The following CIB4 variants were observed in gnomAD, a reference collection of about 807,000 sequenced individuals.
CIB4 encodes calcium and integrin-binding family member 4.
In CIB4, 25 loss-of-function variants were observed where a neutral mutation model predicts 25.8. That is an observed-to-expected ratio of 0.97 (90% CI 0.71 to 1.35). CIB4 has a LOEUF of 1.35. CIB4 is among the 40% of genes most tolerant of loss of function. The probability of loss-of-function intolerance (pLI) is 0.00; values close to 1 mark genes in which losing one functional copy is unlikely to be tolerated. For synonymous variants in CIB4, 75 were observed against 81.4 expected (o/e 0.92, Z 0.42); for missense variants, 235 against 228.2 (o/e 1.03, Z -0.19).
chr2:26,601,102 T>A (rs2148202217), intron 3 of CIB4, among the ~76,000 whole-genome samples: 2 of 151,692 alleles, frequency 1.3e-5, no homozygotes, highest in African/African-American at 4.8e-5. Flanking sequence ...ACGCCTGTAG[T>A]TCCAGGTACT....
rs377531777 is a variant in CIB4 at position 26,591,274 on chromosome 2, C to T, written c.328+3902G>A. On this transcript the variant is annotated intron_variant, in intron 4 of 6. Transcript: ENST00000288861. ...ATCCCAGGGGAAGCTAGATCACTGG[C>T]TGGGTGAGAAAACAGAAGGGAGAAA... 8.5e-5 allele frequency among the ~76,000 whole-genome samples: 13 copies of T among 152,296 alleles called. No individual in the cohort carries two copies. In the South Asian group the frequency reaches 2.7e-3, roughly 32 times the overall value.
Position 26,627,935 on chromosome 2 carries a change from C to T in CIB4, c.186+1475G>A, listed in dbSNP as rs1473850104. ...ACATGTCTGTGCCCCCTCCATGTCC[C>T]TTCCTCAGGAGCCAGCCTCCTCCTC... On this transcript the variant is annotated intron_variant, in intron 3 of 6. Transcript: ENST00000288861. The surrounding 1 kb of genome is among the most constrained non-coding windows in gnomAD (Gnocchi z 4.0). Among the ~76,000 whole-genome samples, 1 of 152,208 alleles carries T rather than the reference C, an allele frequency of 6.6e-6. No homozygotes were observed. Among genetic ancestry groups the T allele is most frequent in the African/African-American group, 2.4e-5 (1 of 41,446 alleles).
chr2:26,623,184 AACAC>A (rs1669237819), intron 3 of CIB4, among the ~76,000 whole-genome samples: 1 of 151,672 alleles, frequency 6.6e-6, no homozygotes. Flanking sequence ...CTCTATGAAA[AACAC>A]AAAAATTAGC....
intron 4 of CIB4, among the ~76,000 whole-genome samples, chr2:26,589,275 CCTT>C (rs1007172281): frequency 2.0e-5 from 3 of 149,520 alleles, no homozygotes; most frequent in Admixed American, 6.7e-5. Context: ...TCCTCCTCCT[CCTT>C]CTTTCCTCCT....
chr2:26,602,394 G>T (rs1345468807), intron 3 of CIB4, among the ~76,000 whole-genome samples: 1 of 152,034 alleles, frequency 6.6e-6, no homozygotes, highest in East Asian at 1.9e-4. Context: ...ATTCTCACAG[G>T]GTTATGGATT....
At position 26,581,234 on chromosome 2, in the gene CIB4, A is replaced by G. The variant is rs1668329694; in HGVS notation, c.*129T>C. 1.8e-5 allele frequency: 13 copies of G among 727,596 alleles called. No homozygotes were observed. In the South Asian group the frequency reaches 2.0e-4, roughly 11 times the overall value. The allele number at this position is 727,596 out of a possible 1,614,324, so 45.1% of individuals were successfully genotyped here. ...GAAAAGCTTTTTCTTTTATCTAATA[A>G]ACAATATTCTAGAGGTGAGTGTGGG... On this transcript the variant is annotated 3_prime_UTR_variant, in exon 7 of 7. Coordinates refer to ENST00000288861, the MANE Select transcript of CIB4 (RefSeq NM_001029881.3).
intron 2 of CIB4, among the ~76,000 whole-genome samples, 178 bp downstream of exon 2, chr2:26,640,355 C>T (rs888546292): frequency 2.6e-5 from 4 of 152,260 alleles, no homozygotes; most frequent in African/African-American, 7.2e-5. Context: ...TGGGGCTCTG[C>T]GGATCGTGGC....
At chr2:26,595,601 G>T (rs376298647) in intron 3 of CIB4, among the ~76,000 whole-genome samples, 1 of 152,234 alleles carries the variant, frequency 6.6e-6, no homozygotes, top group East Asian at 1.9e-4. Flanking sequence ...ACAAGAGATT[G>T]TCAGAGCTGA....
In CIB4 at chr2:26,627,871, C is replaced by G. The variant is rs1457205074; in HGVS notation, c.186+1539G>C. Among the ~76,000 whole-genome samples the G allele has an allele frequency of 6.6e-6, 1 of 152,096 alleles. No homozygotes were observed. Among genetic ancestry groups the G allele is most frequent in the African/African-American group, 2.4e-5 (1 of 41,398 alleles). ...GTCTCTGTCTGCCCTACAGATAGGC[C>G]TGTCACTTAGGAGGGGCCGTGCAGC... is the stretch of plus-strand genomic sequence containing the variant. On this transcript the variant is annotated intron_variant, in intron 3 of 6. Coordinates refer to ENST00000288861, the MANE Select transcript of CIB4 (RefSeq NM_001029881.3). This position sits in a 1 kb window ranked among gnomAD's most constrained non-coding sequence, Gnocchi z 4.0.
chr2:26,614,096 C>T (rs1669048280), intron 3 of CIB4, among the ~76,000 whole-genome samples: 1 of 152,302 alleles, frequency 6.6e-6, no homozygotes, highest in African/African-American at 2.4e-5. Context: ...TTGGCCAGCA[C>T]CTCATTAGGA....
intron 3 of CIB4, among the ~76,000 whole-genome samples, chr2:26,607,919 C>G (rs1264988913): frequency 1.3e-5 from 2 of 152,234 alleles, no homozygotes; most frequent in Admixed American, 6.5e-5. Flanking sequence ...GTCACCTCCA[C>G]GTGAAATCTC....
chr2:26,639,718 A>G (rs13404365), intron 2 of CIB4, among the ~76,000 whole-genome samples: 5,440 of 152,082 alleles, frequency 0.036, 314 homozygotes, highest in African/African-American at 0.12. Context: ...TGCACTTGTG[A>G]CAAAGTTGTT....
rs1669326046 is a variant in CIB4 at position 26,627,147 on chromosome 2, C to A, written c.186+2263G>T. On this transcript the variant is annotated intron_variant, in intron 3 of 6. Coordinates refer to ENST00000288861, the MANE Select transcript of CIB4 (RefSeq NM_001029881.3). The surrounding 1 kb of genome is among the most constrained non-coding windows in gnomAD (Gnocchi z 4.0). ...GGGTCACCAACACCCTCTATGCCACCCCTCCAGTTCGGCTCCCCTTGGGCC... is the reference window on the plus strand; with the variant it reads ...GGGTCACCAACACCCTCTATGCCACACCTCCAGTTCGGCTCCCCTTGGGCC... Among the ~76,000 whole-genome samples, 1 of 152,126 alleles carries A rather than the reference C, an allele frequency of 6.6e-6. No homozygotes were observed. Among genetic ancestry groups the A allele is most frequent in the Non-Finnish European group, 1.5e-5 (1 of 68,024 alleles).
intron 2 of CIB4, among the ~76,000 whole-genome samples, chr2:26,629,769 A>G (rs938586751): frequency 6.6e-6 from 1 of 152,202 alleles, no homozygotes; most frequent in Non-Finnish European, 1.5e-5. Context: ...GCCAGGTGAG[A>G]GGAAAGTTAG....
At chr2:26,616,360 A>T (rs147541970) in intron 3 of CIB4, among the ~76,000 whole-genome samples, 19 of 152,260 alleles carry the variant, frequency 1.2e-4, no homozygotes, top group Middle Eastern at 3.4e-3. Flanking sequence ...CATCTCCCCA[A>T]TGTAATGAAA....
At chr2:26,617,069 C>T (rs1022983495) in intron 3 of CIB4, among the ~76,000 whole-genome samples, 2 of 150,620 alleles carry the variant, frequency 1.3e-5, no homozygotes, top group African/African-American at 2.4e-5. Context: ...GTGAGGAATC[C>T]GAGACCAGGG....
In CIB4 at chr2:26,629,059, G is replaced by A. The variant is rs1387083040; in HGVS notation, c.186+351C>T. ...GACCCATAGGCTGGCCTCGGAGGCT[G>A]AGCAGCAGGGCCAGTGAGCACCTCC... On this transcript the variant is annotated intron_variant, in intron 3 of 6. Coordinates refer to ENST00000288861, the MANE Select transcript of CIB4 (RefSeq NM_001029881.3). Among the ~76,000 whole-genome samples, 16 of 152,310 alleles carry A rather than the reference G, an allele frequency of 1.1e-4. No individual in the cohort carries two copies. The East Asian group carries it at 3.1e-3, about 29-fold the overall frequency.
chr2:26,620,794 A>G (rs1669190849), intron 3 of CIB4, among the ~76,000 whole-genome samples: 1 of 152,188 alleles, frequency 6.6e-6, no homozygotes, highest in Non-Finnish European at 1.5e-5. Context: ...CAAGGACCCA[A>G]ACAAACAAGT....
intron 2 of CIB4, among the ~76,000 whole-genome samples, chr2:26,631,518 G>A (rs912402642): frequency 1.3e-5 from 2 of 152,162 alleles, no homozygotes; most frequent in African/African-American, 2.4e-5. Context: ...GGTGATTTTA[G>A]GAGTGGAGAC....
Sources: gnomAD v4.1 joint callset for allele counts (sites outside exome capture counted in the v4.1 genomes callset) on GRCh38, gnomAD v4.1.1 for gene constraint, Gnocchi (gnomAD v3.1) non-coding constraint, MANE v1.5 for transcripts, NCBI Gene and HGNC (gene_info 2026-07-23, HGNC 2026-07-21) for gene names.